The following NDRG2 variants were observed in gnomAD, a reference collection of about 807,000 sequenced individuals.
NDRG2 encodes the protein protein NDRG2.
NDRG2 carries 34 observed loss-of-function variants against 58.2 expected under a neutral mutation model. The observed-to-expected ratio is 0.58, with a 90% CI of 0.44 to 0.78. The LOEUF is 0.78. NDRG2 is among the 30% of genes least tolerant of loss of function. The pLI is 0.00. For synonymous variants in NDRG2, 187 were observed against 175.9 expected (o/e 1.06, Z -0.50); for missense variants, 434 against 471.2 (o/e 0.92, Z 0.73).
intron 11 of NDRG2, 75 bp from the exon 12 acceptor site, chr14:21,018,889 T>C (rs754322456): frequency 8.3e-6 from 13 of 1,568,362 alleles, no homozygotes; most frequent in Non-Finnish European, 1.0e-5. Context: ...GGAGTGCAGC[T>C]GGAAAAATAT....
upstream of NDRG2, chr14:21,025,583 C>G: frequency 4.1e-6 from 4 of 985,422 alleles, no homozygotes; most frequent in Non-Finnish European, 4.8e-6. The surrounding 1 kb of genome is among the most constrained non-coding windows in gnomAD (Gnocchi z 5.1). Flanking sequence ...GTCTCGCCGG[C>G]TGGCAGGGGC....
chr14:21,027,613 A>G (rs1237253877), upstream of NDRG2, among the ~76,000 whole-genome samples: 2 of 152,208 alleles, frequency 1.3e-5, no homozygotes, highest in Admixed American at 1.3e-4. Flanking sequence ...ATTCATCAAT[A>G]CTTTGAAGTA....
chr14:21,023,680 CAGGT>C (rs1882112276), intron 1 of NDRG2: 1 of 233,536 alleles, frequency 4.3e-6, no homozygotes, highest in African/African-American at 2.2e-5. Flanking sequence ...CCCACACTCT[CAGGT>C]AGGGAGTGAA....
chr14:21,040,167 A>T (rs1354903109), intron 1 of NDRG2, among the ~76,000 whole-genome samples: 2 of 152,198 alleles, frequency 1.3e-5, no homozygotes, highest in African/African-American at 2.4e-5. Flanking sequence ...AAAGTTTGGG[A>T]TACCTTAACA....
At chr14:21,022,211 T>A in intron 4 of NDRG2, 29 bp from the exon 5 acceptor site, 2 of 1,613,994 alleles carry the variant, frequency 1.2e-6, no homozygotes, top group Non-Finnish European at 1.7e-6. Flanking sequence ...ACCTCAACAA[T>A]AGAATCAGAC....
chr14:21,017,458 A>T lies in NDRG2; in HGVS notation c.*138T>A. On this transcript the variant is annotated 3_prime_UTR_variant, in exon 16 of 16. Transcript: ENST00000556147. The stretch of plus-strand genomic sequence containing the variant: ...GTTAAAGGTCAAGGTTAGGGTAGCA[A>T]TCAAAGATCAAGGTCATCTCCCCGC... 1 of 964,534 alleles carries T rather than the reference A, an allele frequency of 1.0e-6. No individual in the cohort carries two copies. The highest frequency in any genetic ancestry group is 2.8e-5 in the Admixed American group (1 of 35,364). 59.7% of individuals were successfully genotyped at this position (964,534 alleles called of 1,614,324 possible). A position where few individuals can be genotyped will look rare whatever the true frequency, so the allele number is the denominator to read the frequency against.
At position 21,022,513 on chromosome 14, in the gene NDRG2, G is replaced by T. The variant is rs746106412; in HGVS notation, c.118-16C>A. 1.3e-6 allele frequency: 2 copies of T among 1,585,052 alleles called. No homozygotes were observed. Among genetic ancestry groups the T allele is most frequent in the Non-Finnish European group, 1.7e-6 (2 of 1,153,838 alleles). ...CAGAGTGAGTCTGCAGGAAAACAGG[G>T]CACCAAGAGCTAGGCTCAGAGGAGA... On this transcript the variant is annotated splice_polypyrimidine_tract_variant and intron_variant, in intron 3 of 15. Transcript: ENST00000556147.
intron 1 of NDRG2, chr14:21,034,271 G>A (rs911731646): frequency 6.2e-7 from 1 of 1,611,662 alleles, no homozygotes. Flanking sequence ...AAAGGAGCCG[G>A]GTCACAGCTG....
chr14:21,025,965 AG>A (rs1047979146), upstream of NDRG2: 4 of 153,318 alleles, frequency 2.6e-5, no homozygotes, highest in African/African-American at 7.2e-5. This position sits in a 1 kb window ranked among gnomAD's most constrained non-coding sequence, Gnocchi z 5.1. Flanking sequence ...GGGAGGACGC[AG>A]TGTCCTGGGC....
chr14:21,019,116 C>G lies in NDRG2; in HGVS notation c.761G>C (p.Arg254Thr). 2 of 1,609,982 alleles carry G rather than the reference C, an allele frequency of 1.2e-6. No individual in the cohort carries two copies. Among genetic ancestry groups the G allele is most frequent in the Non-Finnish European group, 1.7e-6 (2 of 1,178,662 alleles). ...NFERGGDITL[R>T]CPVMLVVGDQ... ...AATGCATTATCTCTTAAAGTCTTAC[C>G]TGAGGGTGATATCACCTCCACGCTC... The change falls in exon 11 of 16, where the codon AGG becomes ACG. Residue 254 changes from arginine to threonine, a missense_variant and splice_region_variant. Coordinates refer to ENST00000556147, the MANE Select transcript of NDRG2 (RefSeq NM_001320329.2).
chr14:21,055,261 T>C (rs1885624149), intron 1 of NDRG2, among the ~76,000 whole-genome samples: 1 of 152,234 alleles, frequency 6.6e-6, no homozygotes, highest in South Asian at 2.1e-4. Context: ...TAACCAAAGA[T>C]TGTTTTCCAA....
At chr14:21,023,399 A>C in intron 1 of NDRG2, 78 bp from the exon 2 acceptor site, 2 of 1,312,630 alleles carry the variant, frequency 1.5e-6, no homozygotes, top group Non-Finnish European at 2.2e-6. Flanking sequence ...TTCCTCTCTC[A>C]GCACAGGAAG....
intron 1 of NDRG2, among the ~76,000 whole-genome samples, chr14:21,037,137 C>T (rs1310851216): frequency 6.6e-6 from 1 of 152,190 alleles, no homozygotes; most frequent in East Asian, 1.9e-4. Context: ...CCCAACACCA[C>T]TCACTTCTGC....
intron 1 of NDRG2, among the ~76,000 whole-genome samples, chr14:21,054,836 C>G (rs1402933632): frequency 6.6e-6 from 1 of 152,072 alleles, no homozygotes; most frequent in Non-Finnish European, 1.5e-5. Flanking sequence ...CGTGAAGCAC[C>G]TTTTAAAATG....
At chr14:21,068,547 G>A (rs1886412401) in intron 1 of NDRG2, among the ~76,000 whole-genome samples, 1 of 152,066 alleles carries the variant, frequency 6.6e-6, no homozygotes, top group Non-Finnish European at 1.5e-5. Context: ...GTTTGAGACA[G>A]GTGAATAAGG....
Position 21,016,888 on chromosome 14 carries a change from G to T in NDRG2, c.*708C>A, listed in dbSNP as rs1877151881. On this transcript the variant is annotated 3_prime_UTR_variant, in exon 16 of 16. Transcript: ENST00000556147. Reference sequence around the variant, plus strand: ...GGTAGCCCTTTCCACCCTATGCCAAGCCCCAAGCAGCCCAGCCCAAGCTTA... The same window carrying T: ...GGTAGCCCTTTCCACCCTATGCCAATCCCCAAGCAGCCCAGCCCAAGCTTA... The T allele has an allele frequency of 2.2e-6, 1 of 456,400 alleles. No individual in the cohort carries two copies. Among genetic ancestry groups the T allele is most frequent in the South Asian group, 1.5e-5 (1 of 64,550 alleles). The allele number at this position is 456,400 out of a possible 1,614,324, so 28.3% of individuals were successfully genotyped here. A position where few individuals can be genotyped will look rare whatever the true frequency, so the allele number is the denominator to read the frequency against.
Position 21,019,947 on chromosome 14 carries a change from C to G in NDRG2, c.585G>C (p.Glu195Asp), listed in dbSNP as rs1416639054. ...GGCTGAAAAGATGTCCAAGGATCAT[C>G]TCCGGAATGGAAGAGGTGAGGCCTG... ...KLTGLTSSIP[E>D]MILGHLFSQE... The change falls in exon 9 of 16, where the codon GAG (glutamate) becomes GAC (aspartate). Residue 195 changes from glutamate (E) to aspartate (D), a missense_variant. Glu to Asp is a conservative substitution (Grantham distance 45). Transcript: ENST00000556147. 2 of 1,614,034 alleles carry G rather than the reference C, an allele frequency of 1.2e-6. No individual in the cohort carries two copies. Among genetic ancestry groups the G allele is most frequent in the Admixed American group, 3.3e-5 (2 of 60,018 alleles).
rs1998848 is a variant in NDRG2 at position 21,024,070 on chromosome 14, G to A, written c.-47C>T. ...TGGATGCAGTGGGATTAGGGGTCAGGGTTCTCACTCCTTCTGACTCTGGGG... is the reference window on the plus strand; with the variant it reads ...TGGATGCAGTGGGATTAGGGGTCAGAGTTCTCACTCCTTCTGACTCTGGGG... On this transcript the variant is annotated 5_prime_UTR_variant, in exon 1 of 16. Transcript: ENST00000556147. The A allele has an allele frequency of 0.012, 12,203 of 985,434 alleles. 149 individuals carry two copies. The highest frequency in any genetic ancestry group is 0.089 in the East Asian group (783 of 8,798). 61.0% of individuals were successfully genotyped at this position (985,434 alleles called of 1,614,324 possible).
At chr14:21,042,955 AC>A (rs778762419) in intron 1 of NDRG2, 4 of 1,572,612 alleles carry the variant, frequency 2.5e-6, no homozygotes, top group Non-Finnish European at 3.5e-6. Context: ...TGTCCCAGCG[AC>A]CCCTGCCCTC....
Sources: gnomAD v4.1 joint callset for allele counts (sites outside exome capture counted in the v4.1 genomes callset) on GRCh38, gnomAD v4.1.1 for gene constraint, Gnocchi (gnomAD v3.1) non-coding constraint, MANE v1.5 for transcripts, NCBI Gene and HGNC (gene_info 2026-07-23, HGNC 2026-07-21) for gene names.